The following ZNF81 variants were observed in gnomAD, a reference collection of about 807,000 sequenced individuals.
ZNF81 encodes the protein zinc finger protein 81 (HFZ20).
A neutral mutation model predicts 32.3 loss-of-function variants in ZNF81; 5 were observed. That is an observed-to-expected ratio of 0.15 (90% CI 0.08 to 0.33). The LOEUF (loss-of-function observed/expected upper bound fraction) is 0.33. ZNF81 is among the 10% of genes least tolerant of loss of function. The pLI is 1.00. For missense variants in ZNF81, 379 were observed against 479.8 expected, an observed-to-expected ratio of 0.79 and a Z score of 1.96; for synonymous variants, 163 against 166.8, an observed-to-expected ratio of 0.98 and a Z score of 0.17.
intron 2 of ZNF81, among the ~76,000 whole-genome samples, chrX:47,883,661 T>C (rs913039432): frequency 8.9e-6 from 1 of 112,580 alleles, no homozygotes; most frequent in Non-Finnish European, 1.9e-5. Flanking sequence ...TCCTTCATTT[T>C]CTATTAGCTA....
In ZNF81 at chrX:47,915,769, A is replaced by G. The variant is rs782584670; in HGVS notation, c.1123A>G (p.Arg375Gly). The change falls in exon 5 of 5, where the codon AGG (arginine) becomes GGG (glycine). Residue 375 changes from arginine to glycine, a missense_variant. By Grantham distance (125) the Arg-to-Gly change is moderately radical. Around this residue, in one of 2 missense-constraint regions of ZNF81, gnomAD observed 277 missense variants for 306.6 expected, o/e 0.90. Coordinates refer to ENST00000338637, the MANE Select transcript of ZNF81 (RefSeq NM_007137.5). ...ATTTTTCCAGGTGTCATCTCTACTC[A>G]GGCATCAGACAACTCATACTGGAGA... ...KSFFQVSSLL[R>G]HQTTHTGEKL... The G allele has an allele frequency of 1.7e-6, 2 of 1,211,817 alleles. No homozygotes were observed. Among genetic ancestry groups the G allele is most frequent in the Non-Finnish European group, 2.2e-6 (2 of 895,521 alleles).
intron 2 of ZNF81, among the ~76,000 whole-genome samples, chrX:47,874,814 A>C (rs1292832967): frequency 1.8e-5 from 2 of 112,129 alleles, no homozygotes; most frequent in Non-Finnish European, 3.8e-5. Context: ...ATGGGGACAC[A>C]GTCTTGTATC....
At chrX:47,881,281 C>G (rs1310334329) in intron 2 of ZNF81, among the ~76,000 whole-genome samples, 4 of 111,928 alleles carry the variant, frequency 3.6e-5, no homozygotes, top group African/African-American at 1.3e-4. Flanking sequence ...CAGCATACAT[C>G]ATAAACACCA....
intron 2 of ZNF81, among the ~76,000 whole-genome samples, chrX:47,861,435 C>T (rs1556882547): frequency 8.9e-6 from 1 of 112,110 alleles, no homozygotes; most frequent in African/African-American, 3.2e-5. Context: ...AACTGTCTCA[C>T]ATCTCCACCT....
intron 2 of ZNF81, among the ~76,000 whole-genome samples, chrX:47,866,908 A>G (rs1453998505): frequency 1.8e-5 from 2 of 111,979 alleles, no homozygotes; most frequent in African/African-American, 6.5e-5. Context: ...TACACCATGG[A>G]ATACTATGCA....
At chrX:47,910,165 A>T (rs2058734785) in intron 4 of ZNF81, among the ~76,000 whole-genome samples, 1 of 111,594 alleles carries the variant, frequency 9.0e-6, no homozygotes, top group Admixed American at 9.5e-5. Flanking sequence ...CTAGTTCTAG[A>T]TCCCTGAGGA....
intron 2 of ZNF81, among the ~76,000 whole-genome samples, chrX:47,874,938 G>A (rs1276779778): frequency 9.0e-6 from 1 of 111,554 alleles, no homozygotes; most frequent in East Asian, 2.8e-4. Context: ...AATGGAATCA[G>A]GGCACACAAA....
At chrX:47,913,240 GA>G (rs1221218863) in intron 4 of ZNF81, among the ~76,000 whole-genome samples, 15 of 110,960 alleles carry the variant, frequency 1.4e-4, no homozygotes, top group African/African-American at 4.2e-4. Context: ...TGTTATAACA[GA>G]AAAAAAAAGT....
chrX:47,891,649 G>A (rs1214329736), intron 3 of ZNF81, among the ~76,000 whole-genome samples: 3 of 111,575 alleles, frequency 2.7e-5, no homozygotes, highest in African/African-American at 9.8e-5. Context: ...GACAGGTTCA[G>A]GGACCCACTG....
intron 2 of ZNF81, among the ~76,000 whole-genome samples, chrX:47,873,107 C>T (rs2058586568): frequency 9.0e-6 from 1 of 111,624 alleles, no homozygotes; most frequent in South Asian, 3.8e-4. Flanking sequence ...TTATTTTGCA[C>T]AGCAAATCTG....
intron 2 of ZNF81, among the ~76,000 whole-genome samples, chrX:47,852,461 C>T (rs5905633): frequency 9.0e-6 from 1 of 110,929 alleles, no homozygotes; most frequent in Non-Finnish European, 1.9e-5. Flanking sequence ...CAAACCCTGC[C>T]CCTGCTTTCT....
intron 2 of ZNF81, among the ~76,000 whole-genome samples, chrX:47,849,420 C>T (rs1556880885): frequency 9.0e-6 from 1 of 111,690 alleles, no homozygotes; most frequent in African/African-American, 3.3e-5. Flanking sequence ...GTAATCCCAG[C>T]ACTTCAGGAG....
chrX:47,859,937 G>T (rs1443606887), intron 2 of ZNF81, among the ~76,000 whole-genome samples: 8 of 110,603 alleles, frequency 7.2e-5, no homozygotes, highest in Non-Finnish European at 1.5e-4. Context: ...AAGGCTGTTT[G>T]CTCTGCAAAC....
intron 2 of ZNF81, among the ~76,000 whole-genome samples, chrX:47,885,904 C>T (rs782519836): frequency 6.5e-4 from 73 of 112,168 alleles, no homozygotes; most frequent in African/African-American, 1.4e-3. Context: ...TTTGTTCTCT[C>T]TGCTTTTCAG....
In ZNF81 at chrX:47,915,506, C is replaced by T; in HGVS notation, c.860C>T (p.Ser287Leu). ...TEFGKIFTQR[S>L]HFFAPQKIHT... ...TTTGGGAAGATCTTCACCCAGAGGT[C>T]ACATTTCTTTGCTCCTCAAAAAATT... The change falls in exon 5 of 5, where the codon TCA (serine) becomes TTA (leucine). Residue 287 changes from serine to leucine, a missense_variant. Ser to Leu is a moderately radical substitution (Grantham distance 145). Transcript: ENST00000338637. The T allele has an allele frequency of 8.3e-7, 1 of 1,211,544 alleles. No homozygotes were observed. Among genetic ancestry groups the T allele is most frequent in the South Asian group, 1.8e-5 (1 of 56,975 alleles).
intron 3 of ZNF81, among the ~76,000 whole-genome samples, chrX:47,892,711 A>G (rs2058666770): frequency 8.9e-6 from 1 of 112,765 alleles, no homozygotes; most frequent in Non-Finnish European, 1.9e-5. Context: ...CCTTTATCAT[A>G]CACCCTTGAT....
chrX:47,862,543 AAG>A (rs2058545346), intron 2 of ZNF81, among the ~76,000 whole-genome samples: 1 of 110,279 alleles, frequency 9.1e-6, no homozygotes, highest in African/African-American at 3.3e-5. Context: ...AAAAAAGAAA[AAG>A]AAAAAAGAAA....
At chrX:47,853,798 C>T (rs782361323) in intron 2 of ZNF81, among the ~76,000 whole-genome samples, 27 of 111,529 alleles carry the variant, frequency 2.4e-4, no homozygotes, top group Admixed American at 8.6e-4. Flanking sequence ...AGTCCTCCCA[C>T]CTTAGCCTCC....
rs11091216 is a variant in ZNF81, at chrX:47,888,133, C to T, written c.181+8C>T. 30,565 of 1,204,317 alleles carry T rather than the reference C, an allele frequency of 0.025. 357 individuals carry two copies. Among genetic ancestry groups the T allele is most frequent in the Non-Finnish European group, 0.028 (24,621 of 892,341 alleles). On this transcript the variant is annotated splice_region_variant and intron_variant, in intron 3 of 4. Transcript: ENST00000338637. ...GCCACCTGCTCTCAGTGGGTAAGGA[C>T]AACCATCCTGTGAAGTTGTGAGGAG...
Sources: gnomAD v4.1 joint callset for allele counts (sites outside exome capture counted in the v4.1 genomes callset) on GRCh38, gnomAD v4.1.1 for gene constraint, gnomAD v4.1.1 regional missense constraint, MANE v1.5 for transcripts, NCBI Gene and HGNC (gene_info 2026-07-23, HGNC 2026-07-21) for gene names.